Variants in MMS22L observed in about 807,000 individuals in gnomAD.
The protein encoded by MMS22L is protein MMS22-like.
Under a neutral mutation model 159.1 loss-of-function variants are expected in MMS22L, and 74 were observed. The ratio of observed to expected loss-of-function variants is 0.47; its 90% CI spans 0.39 to 0.56. The LOEUF is 0.56. MMS22L is among the 20% of genes least tolerant of loss of function. MMS22L has a pLI of 0.00. For missense variants in MMS22L, 1,351 were observed against 1,422.1 expected (o/e 0.95, Z 0.80); for synonymous variants, 517 against 506.9 (o/e 1.02, Z -0.27).
intron 10 of MMS22L, among the ~76,000 whole-genome samples, chr6:97,251,567 T>A (rs935208285): frequency 6.6e-6 from 1 of 152,224 alleles, no homozygotes; most frequent in Admixed American, 6.5e-5. Context: ...CACATCCTCA[T>A]CATTTTTATC....
At chr6:97,171,731 GTAAA>G (rs983790958) in intron 19 of MMS22L, among the ~76,000 whole-genome samples, 1 of 152,128 alleles carries the variant, frequency 6.6e-6, no homozygotes, top group African/African-American at 2.4e-5. Context: ...AACTGTCAAG[GTAAA>G]TAGAGTACAG....
At chr6:97,279,476 T>G (rs1236699023) in intron 3 of MMS22L, among the ~76,000 whole-genome samples, 1 of 138,442 alleles carries the variant, frequency 7.2e-6, no homozygotes, top group Non-Finnish European at 1.6e-5. Flanking sequence ...AGAGCAAGAC[T>G]TCGTCTCAAA....
intron 11 of MMS22L, among the ~76,000 whole-genome samples, chr6:97,243,886 G>A (rs574286326): frequency 2.0e-5 from 3 of 152,210 alleles, no homozygotes; most frequent in Non-Finnish European, 4.4e-5. Flanking sequence ...ACTGGGGTGG[G>A]GGGTGTCTGC....
chr6:97,241,959 T>C (rs1284101337), intron 11 of MMS22L, among the ~76,000 whole-genome samples: 1 of 152,208 alleles, frequency 6.6e-6, no homozygotes, highest in African/African-American at 2.4e-5. Flanking sequence ...TCCACTGTGG[T>C]CTGGGAGAGT....
rs1582633991 is a variant in MMS22L, at chr6:97,211,964, T to C, written c.2039+16930A>G. On this transcript the variant is annotated intron_variant, in intron 14 of 24. Transcript: ENST00000683635. ...GCCACCTATCATCTATATGACATAG[T>C]GTAGCTGACTTACTGCCACATAATC... is the stretch of plus-strand genomic sequence containing the variant. Among the ~76,000 whole-genome samples the C allele has an allele frequency of 3.9e-5, 6 of 152,212 alleles. No homozygotes were observed. In the South Asian group the frequency reaches 6.2e-4, roughly 16 times the overall value.
chr6:97,235,507 A>C (rs1312918035), intron 11 of MMS22L, among the ~76,000 whole-genome samples: 2 of 152,242 alleles, frequency 1.3e-5, no homozygotes, highest in African/African-American at 2.4e-5. Context: ...ATATGCAAAA[A>C]CAAGTGGTCA....
chr6:97,212,773 T>G (rs1222009003), intron 14 of MMS22L, among the ~76,000 whole-genome samples: 1 of 152,214 alleles, frequency 6.6e-6, no homozygotes, highest in Non-Finnish European at 1.5e-5. Flanking sequence ...CTATGTATGA[T>G]TCACACATAC....
intron 14 of MMS22L, among the ~76,000 whole-genome samples, chr6:97,193,381 C>G (rs1185479136): frequency 6.6e-6 from 1 of 152,082 alleles, no homozygotes; most frequent in Admixed American, 6.6e-5. Flanking sequence ...TTGCCTGTGT[C>G]CCAAAAACAG....
intron 22 of MMS22L, among the ~76,000 whole-genome samples, chr6:97,161,634 TAAAA>T (rs1339581977): frequency 6.6e-6 from 1 of 151,928 alleles, no homozygotes; most frequent in Admixed American, 6.6e-5. Flanking sequence ...AAAACCTGAA[TAAAA>T]AAAGTATGAT....
chr6:97,223,434 ATAACTTAGCTCTGCTCT>A (rs200613130), intron 14 of MMS22L, among the ~76,000 whole-genome samples: 6,123 of 152,144 alleles, frequency 0.04, 138 homozygotes, highest in Middle Eastern at 0.071. Flanking sequence ...CCAAATTCAA[ATAACTTAGCTCTGCTCT>A]TAACTAAAGG....
intron 11 of MMS22L, among the ~76,000 whole-genome samples, chr6:97,240,453 T>C (rs933033015): frequency 6.6e-5 from 10 of 152,226 alleles, no homozygotes; most frequent in Admixed American, 6.5e-4. Context: ...ACTGAAACTC[T>C]GGGCCATGCA....
chr6:97,261,747 G>A (rs1190765643), intron 9 of MMS22L: 1 of 152,168 alleles, frequency 6.6e-6, no homozygotes, highest in Non-Finnish European at 1.5e-5. Flanking sequence ...GGAAGGTTAT[G>A]TAGGGAGATG....
intron 10 of MMS22L, among the ~76,000 whole-genome samples, chr6:97,249,541 A>G (rs544365463): frequency 6.6e-6 from 1 of 152,148 alleles, no homozygotes; most frequent in East Asian, 1.9e-4. Flanking sequence ...TTCTATCAAT[A>G]CTGTATGTCT....
rs1187523953 is a variant in MMS22L, at chr6:97,145,191, A to C, written c.*1615T>G. 1 of 152,106 alleles carries C rather than the reference A, an allele frequency of 6.6e-6. No homozygotes were observed. The highest frequency in any genetic ancestry group is 1.5e-5 in the Non-Finnish European group (1 of 68,002). 9.4% of individuals were successfully genotyped at this position (152,106 alleles called of 1,614,324 possible). A position where few individuals can be genotyped will look rare whatever the true frequency, so the allele number is the denominator to read the frequency against. ...TTTAGTAAGTCACTATCATGATGAA[A>C]AGAAATTCAGTGTTATGAAGTCTAT... On this transcript the variant is annotated 3_prime_UTR_variant, in exon 25 of 25. Transcript: ENST00000683635.
chr6:97,215,362 A>C (rs1223652402), intron 14 of MMS22L, among the ~76,000 whole-genome samples: 1 of 152,196 alleles, frequency 6.6e-6, no homozygotes, highest in Non-Finnish European at 1.5e-5. Flanking sequence ...GCCAAAGCTG[A>C]TAAGTACCAT....
intron 14 of MMS22L, among the ~76,000 whole-genome samples, chr6:97,222,163 C>T (rs1285046028): frequency 2.0e-5 from 3 of 151,894 alleles, no homozygotes; most frequent in Non-Finnish European, 4.4e-5. Flanking sequence ...ATAAATAATA[C>T]CATACCAATA....
intron 21 of MMS22L, among the ~76,000 whole-genome samples, chr6:97,163,213 A>G (rs1340958163): frequency 6.6e-6 from 1 of 152,028 alleles, no homozygotes; most frequent in Non-Finnish European, 1.5e-5. Flanking sequence ...TATAAAATTG[A>G]ATAAAATATG....
intron 2 of MMS22L, 114 bp downstream of exon 2, chr6:97,282,200 G>C: frequency 9.5e-7 from 1 of 1,058,172 alleles, no homozygotes; most frequent in Middle Eastern, 2.2e-4. Flanking sequence ...ATACTAAGCT[G>C]ATTTATAAAA....
rs1200946977 is a variant in MMS22L, at chr6:97,162,064, TAAA to T, written c.3320_3322del (p.Ile1107_Tyr1108delinsAsn). On this transcript the variant is annotated inframe_deletion, in exon 22 of 25. Transcript: ENST00000683635. ...GCCAGGGAGGAGTAGTTCAACTTCA[TAAA>T]TGTCTGTGTTAGTTTCCTTGAAGAG... is the stretch of plus-strand genomic sequence containing the variant. The T allele has an allele frequency of 6.2e-7, 1 of 1,612,252 alleles. No homozygotes were observed. Among genetic ancestry groups the T allele is most frequent in the East Asian group, 2.2e-5 (1 of 44,816 alleles).
Sources: gnomAD v4.1 joint callset for allele counts (sites outside exome capture counted in the v4.1 genomes callset) on GRCh38, gnomAD v4.1.1 for gene constraint, MANE v1.5 for transcripts, NCBI Gene and HGNC (gene_info 2026-07-23, HGNC 2026-07-21) for gene names.